PPP2R5C: variants seen among roughly 807,000 people sequenced by gnomAD.
The protein encoded by PPP2R5C is protein phosphatase 2 regulatory subunit B'gamma.
A neutral mutation model predicts 68.9 loss-of-function variants in PPP2R5C; 7 were observed. The observed-to-expected ratio is 0.10, with a 90% confidence interval of 0.06 to 0.19. The LOEUF (loss-of-function observed/expected upper bound fraction) is 0.19. Among genes scored for constraint, PPP2R5C ranks in the 10% least tolerant of loss-of-function variants. The pLI is 1.00. For missense variants in PPP2R5C, 348 were observed against 641.3 expected, an observed-to-expected ratio of 0.54 and a Z score of 4.94; for synonymous variants, 210 against 222.2, an observed-to-expected ratio of 0.95 and a Z score of 0.49.
intron 11 of PPP2R5C, among the ~76,000 whole-genome samples, chr14:101,910,433 C>T (rs1488884669): frequency 6.6e-6 from 1 of 151,056 alleles, no homozygotes; most frequent in Middle Eastern, 3.4e-3. Flanking sequence ...ATATATGAAA[C>T]AACTGCCATT....
intron 1 of PPP2R5C, among the ~76,000 whole-genome samples, chr14:101,837,882 T>G (rs1265158083): frequency 6.6e-6 from 1 of 152,092 alleles, no homozygotes; most frequent in Non-Finnish European, 1.5e-5. Flanking sequence ...ATGGGAAGGG[T>G]AGGCTCAGTC....
At position 101,842,376 on chromosome 14, in the gene PPP2R5C, G is replaced by A. The variant is rs142178197; in HGVS notation, c.95-14310G>A. 5.2e-3 allele frequency among the ~76,000 whole-genome samples: 799 copies of A among 152,324 alleles called. 5 individuals carry two copies. The highest frequency in any genetic ancestry group is 7.0e-3 in the South Asian group (34 of 4,824). On this transcript the variant is annotated intron_variant, in intron 1 of 13. Transcript: ENST00000334743. ...ACAGGAGGAGAGGGCAGGAGCGCCC[G>A]TGGGCTCTCAGTGGCTACGTTGCTT...
intron 13 of PPP2R5C, among the ~76,000 whole-genome samples, chr14:101,923,305 C>T (rs1432387881): frequency 6.6e-6 from 1 of 152,222 alleles, no homozygotes; most frequent in Non-Finnish European, 1.5e-5. Flanking sequence ...AGTTTGCATT[C>T]ACTGGTTCCA....
intron 3 of PPP2R5C, among the ~76,000 whole-genome samples, chr14:101,795,585 G>C (rs1000697051): frequency 7.2e-5 from 11 of 151,888 alleles, no homozygotes; most frequent in Admixed American, 4.6e-4. Context: ...TTTTAGAAAA[G>C]AAAAGACTAG....
At chr14:101,780,796 A>G (rs1355959368) in intron 2 of PPP2R5C, among the ~76,000 whole-genome samples, 2 of 152,146 alleles carry the variant, frequency 1.3e-5, no homozygotes, top group Non-Finnish European at 2.9e-5. Flanking sequence ...TTTACGATAA[A>G]ATTGCAGAAA....
intron 2 of PPP2R5C, among the ~76,000 whole-genome samples, chr14:101,769,422 G>A (rs1409521222): frequency 6.6e-6 from 1 of 152,152 alleles, no homozygotes; most frequent in East Asian, 1.9e-4. Flanking sequence ...GAGTTGGTGG[G>A]TTTTAAAAGT....
chr14:101,867,933 T>TACAC (rs2043183694), intron 2 of PPP2R5C, among the ~76,000 whole-genome samples: 1 of 152,218 alleles, frequency 6.6e-6, no homozygotes, highest in Admixed American at 6.5e-5. Context: ...GATGTTGACT[T>TACAC]ACACGTTTTA....
intron 2 of PPP2R5C, among the ~76,000 whole-genome samples, chr14:101,870,765 A>G (rs772656128): frequency 2.6e-5 from 4 of 152,232 alleles, no homozygotes; most frequent in Non-Finnish European, 4.4e-5. Flanking sequence ...TTTGCAGCCT[A>G]TGTACACAGC....
chr14:101,772,947 G>A (rs2037228158), intron 2 of PPP2R5C, among the ~76,000 whole-genome samples: 1 of 152,230 alleles, frequency 6.6e-6, no homozygotes. Flanking sequence ...GCTGTGCAAT[G>A]TGGCAGAGGC....
chr14:101,823,644 G>T (rs1038042823), intron 1 of PPP2R5C: 1 of 538,570 alleles, frequency 1.9e-6, no homozygotes, highest in East Asian at 1.2e-4. Flanking sequence ...TTTGACAGCG[G>T]TGGAAACTGA....
intron 1 of PPP2R5C, among the ~76,000 whole-genome samples, chr14:101,852,194 G>A (rs1005108311): frequency 2.6e-5 from 4 of 152,128 alleles, no homozygotes; most frequent in Admixed American, 2.6e-4. Context: ...ACACCCTGCT[G>A]TTTTCTTCCT....
chr14:101,815,130 C>T (rs1012633811), intron 1 of PPP2R5C, among the ~76,000 whole-genome samples: 2 of 152,124 alleles, frequency 1.3e-5, no homozygotes, highest in Non-Finnish European at 2.9e-5. Flanking sequence ...TTATAACCCT[C>T]CCCCACTCAC....
intron 5 of PPP2R5C, among the ~76,000 whole-genome samples, chr14:101,887,301 A>G (rs1007451966): frequency 1.3e-5 from 2 of 152,104 alleles, no homozygotes; most frequent in Non-Finnish European, 2.9e-5. Context: ...GTCATGCTCT[A>G]TCCTCACCCT....
intron 1 of PPP2R5C, chr14:101,824,335 T>A: frequency 2.3e-6 from 1 of 427,156 alleles, no homozygotes. Context: ...GTGTAGACAT[T>A]TGTCTACGGG....
chr14:101,761,033 C>CGAGGGGAGGGGACG (rs1165489073), upstream of PPP2R5C, among the ~76,000 whole-genome samples: 3 of 79,522 alleles, frequency 3.8e-5, no homozygotes, highest in African/African-American at 9.9e-5. Flanking sequence ...ACGGGGTGGT[C>CGAGGGGAGGGGACG]GAGGGGAGGG....
upstream of PPP2R5C, among the ~76,000 whole-genome samples, chr14:101,761,038 G>GAGGGGACGGGGTGGTCGAGCA (rs2036490219): frequency 7.6e-6 from 1 of 131,086 alleles, no homozygotes; most frequent in African/African-American, 2.9e-5. Flanking sequence ...GTGGTCGAGG[G>GAGGGGACGGGGTGGTCGAGCA]GAGGGGACGG....
At chr14:101,844,754 T>C (rs761147482) in intron 1 of PPP2R5C, among the ~76,000 whole-genome samples, 1 of 152,222 alleles carries the variant, frequency 6.6e-6, no homozygotes, top group Admixed American at 6.5e-5. Flanking sequence ...TGGAATCAAT[T>C]TCAAGATGGA....
At chr14:101,858,154 A>G (rs1317072872) in intron 2 of PPP2R5C, among the ~76,000 whole-genome samples, 1 of 152,148 alleles carries the variant, frequency 6.6e-6, no homozygotes, top group Non-Finnish European at 1.5e-5. Context: ...GAGAATATAT[A>G]CCCTAAAACC....
At chr14:101,804,536 A>G (rs1023490950) in intron 3 of PPP2R5C, among the ~76,000 whole-genome samples, 1 of 152,232 alleles carries the variant, frequency 6.6e-6, no homozygotes, top group Non-Finnish European at 1.5e-5. Flanking sequence ...CTATTCAGCC[A>G]TGAAAAAGAA....
Sources: allele counts gnomAD v4.1 joint callset (sites outside exome capture counted in the v4.1 genomes callset), GRCh38; gene constraint gnomAD v4.1.1; transcripts MANE v1.5; gene names NCBI Gene and HGNC (gene_info 2026-07-23, HGNC 2026-07-21).